Variants in RPS6KA6 observed in about 807,000 individuals in gnomAD.
The protein encoded by RPS6KA6 is ribosomal protein S6 kinase alpha-6.
A neutral mutation model predicts 65.4 loss-of-function variants in RPS6KA6; 27 were observed. The ratio of observed to expected loss-of-function variants is 0.41; its 90% confidence interval spans 0.30 to 0.57. The LOEUF is 0.57. Ranked by LOEUF, RPS6KA6 falls within the 20% of genes least tolerant of loss-of-function variation. The pLI is 0.24. For missense variants in RPS6KA6, 486 were observed against 555.6 expected (o/e 0.87, Z 1.26); for synonymous variants, 190 against 184.2 (o/e 1.03, Z -0.26).
intron 2 of RPS6KA6, among the ~76,000 whole-genome samples, chrX:84,163,425 G>C (rs1402893445): frequency 1.2e-4 from 13 of 107,512 alleles, no homozygotes; most frequent in African/African-American, 4.4e-4. Flanking sequence ...GGATCATGAG[G>C]TCAGGAGATC....
At chrX:84,105,344 T>C (rs1303334209) in intron 16 of RPS6KA6, among the ~76,000 whole-genome samples, 1 of 111,503 alleles carries the variant, frequency 9.0e-6, no homozygotes, top group African/African-American at 3.2e-5. Context: ...TAATGAGTTA[T>C]ACATTCATTT....
intron 1 of RPS6KA6, chrX:84,186,646 T>A (rs2275786): frequency 0.051 from 5,658 of 110,989 alleles, 198 homozygotes; most frequent in East Asian, 0.21. Context: ...AACAAAAAAA[T>A]TTAAAGAAAA....
chrX:84,102,113 C>G lies in RPS6KA6; in HGVS notation c.1700G>C (p.Gly567Ala), dbSNP rs896574001. 8.4e-7 allele frequency: 1 copy of G among 1,196,357 alleles called. No homozygotes were observed. Among genetic ancestry groups the G allele is most frequent in the Non-Finnish European group, 1.1e-6 (1 of 885,255 alleles). ...TTCTCCTCGAAGTTGTTTTGCAAAC[C>G]CAAAATCACATATCCTGATTGAATC... is the stretch of plus-strand genomic sequence containing the variant. ...SADSIRICDF[G>A]FAKQLRGENG... Residue 567 changes from glycine (G) to alanine (A), a missense_variant, in exon 18 of 22, where the codon GGG (glycine) becomes GCG (alanine). Coordinates refer to ENST00000262752, the MANE Select transcript of RPS6KA6 (RefSeq NM_014496.5).
In RPS6KA6 at chrX:84,105,887, C is replaced by T. The variant is rs201677697; in HGVS notation, c.1366-11G>A. Reference sequence around the variant, plus strand: ...ACTTTTGTCAATGATCTAAGAAATACGAAAAAAGAAAAATATCTGAGGCAA... The same window carrying T: ...ACTTTTGTCAATGATCTAAGAAATATGAAAAAAGAAAAATATCTGAGGCAA... On this transcript the variant is annotated splice_polypyrimidine_tract_variant and intron_variant, in intron 15 of 21. Coordinates refer to ENST00000262752, the MANE Select transcript of RPS6KA6 (RefSeq NM_014496.5). The T allele has an allele frequency of 1.4e-4, 140 of 988,813 alleles. 1 individual carries two copies. Among genetic ancestry groups the T allele is most frequent in the African/African-American group, 7.7e-5 (4 of 51,799 alleles). The allele number at this position is 988,813 out of a possible 1,213,427, so 81.5% of individuals were successfully genotyped here.
At chrX:84,163,765 G>A (rs1264334684) in intron 2 of RPS6KA6, among the ~76,000 whole-genome samples, 1 of 109,569 alleles carries the variant, frequency 9.1e-6, no homozygotes, top group Non-Finnish European at 1.9e-5. Context: ...CAAATCTTAA[G>A]AATGCTCTCT....
chrX:84,083,931 G>GT (rs2033860523), intron 20 of RPS6KA6, among the ~76,000 whole-genome samples: 1 of 112,194 alleles, frequency 8.9e-6, no homozygotes, highest in South Asian at 3.7e-4. Flanking sequence ...GTGTGAAATG[G>GT]TATCTCATTG....
chrX:84,089,334 G>C (rs2033995952), intron 20 of RPS6KA6, among the ~76,000 whole-genome samples: 1 of 112,027 alleles, frequency 8.9e-6, no homozygotes, highest in Non-Finnish European at 1.9e-5. Context: ...GCCTGTTGCT[G>C]CTGGTTGGCT....
At position 84,106,391 on chromosome X, in the gene RPS6KA6, T is replaced by C. The variant is rs1184754815; in HGVS notation, c.1339A>G (p.Thr447Ala). ...TTCACTGCAAATTCCATGTTGGTAG[T>C]TGCATGTATGCATCGCTTGCAAACA... ...YSVCKRCIHA[T>A]TNMEFAVKII... The change falls in exon 15 of 22, where the codon ACT (threonine) becomes GCT (alanine). Residue 447 changes from threonine (T) to alanine (A), a missense_variant. By Grantham distance (58) the Thr-to-Ala change is moderately conservative (BLOSUM62 0). Coordinates refer to ENST00000262752, the MANE Select transcript of RPS6KA6 (RefSeq NM_014496.5). 4.2e-6 allele frequency: 5 copies of C among 1,202,384 alleles called. No individual in the cohort carries two copies. The East Asian group carries it at 1.2e-4, about 29-fold the overall frequency.
At chrX:84,141,780 C>T (rs1360869592) in intron 6 of RPS6KA6, among the ~76,000 whole-genome samples, 1 of 111,295 alleles carries the variant, frequency 9.0e-6, no homozygotes, top group Non-Finnish European at 1.9e-5. Context: ...TAAAGTCAGT[C>T]ATGTCATATC....
At chrX:84,097,577 T>A (rs1278416722) in intron 19 of RPS6KA6, among the ~76,000 whole-genome samples, 195 bp downstream of exon 19, 1 of 111,580 alleles carries the variant, frequency 9.0e-6, no homozygotes, top group African/African-American at 3.2e-5. Context: ...AAAATTATTA[T>A]GTCATAAATT....
chrX:84,122,009 T>C (rs964407162), intron 8 of RPS6KA6, among the ~76,000 whole-genome samples: 2 of 112,608 alleles, frequency 1.8e-5, no homozygotes, highest in East Asian at 5.6e-4. Flanking sequence ...CCTATACCAT[T>C]TGTAGCTTCT....
rs186870195 is a variant in RPS6KA6, at chrX:84,120,762, T to C, written c.647-735A>G. The stretch of plus-strand genomic sequence containing the variant: ...AACTGATATACCAATTCAATGAAAC[T>C]TCAATAAAATCCCAGCAAAATTTCT... On this transcript the variant is annotated intron_variant, in intron 8 of 21. Coordinates refer to ENST00000262752, the MANE Select transcript of RPS6KA6 (RefSeq NM_014496.5). Among the ~76,000 whole-genome samples the C allele has an allele frequency of 2.6e-3, 291 of 111,924 alleles. 2 individuals are homozygous for C. Among genetic ancestry groups the C allele is most frequent in the African/African-American group, 9.2e-3 (284 of 30,916 alleles).
At chrX:84,080,113 T>C (rs2147354976) in intron 20 of RPS6KA6, among the ~76,000 whole-genome samples, 1 of 108,396 alleles carries the variant, frequency 9.2e-6, no homozygotes, top group East Asian at 3.0e-4. Flanking sequence ...TAACACCTCA[T>C]ACAGGAGAGC....
chrX:84,144,270 A>C (rs2035157600), intron 6 of RPS6KA6, among the ~76,000 whole-genome samples: 1 of 111,309 alleles, frequency 9.0e-6, no homozygotes, highest in South Asian at 3.7e-4. Flanking sequence ...AAATATTTCC[A>C]AATAACATAT....
Position 84,151,131 on chromosome X carries a change from G to GAT in RPS6KA6, c.259-3010_259-3009dup, listed in dbSNP as rs776588550. Among the ~76,000 whole-genome samples the GAT allele has an allele frequency of 2.0e-3, 190 of 96,113 alleles. 3 individuals carry two copies. The highest frequency in any genetic ancestry group is 7.0e-3 in the African/African-American group (180 of 25,824). The allele number at this position is 96,113 out of a possible 115,157, so 83.5% of individuals were successfully genotyped here. ...TATAGATATATATAGGATATATATA[G>GAT]ATATATAGGATATATAGATATATAT... On this transcript the variant is annotated intron_variant, in intron 3 of 21. Transcript: ENST00000262752.
intron 9 of RPS6KA6, 67 bp from the exon 10 acceptor site, chrX:84,117,521 G>C: frequency 1.5e-6 from 1 of 648,611 alleles, no homozygotes; most frequent in Non-Finnish European, 2.2e-6. Flanking sequence ...AGATTCTCTA[G>C]AAAAAAACTG....
At position 84,160,348 on chromosome X, in the gene RPS6KA6, A is replaced by G. The variant is rs1207924048; in HGVS notation, c.141+3980T>C. 1.3e-4 allele frequency among the ~76,000 whole-genome samples: 15 copies of G among 111,387 alleles called. 1 individual carries two copies. The highest frequency in any genetic ancestry group is 3.8e-5 in the Non-Finnish European group (2 of 52,830). The stretch of plus-strand genomic sequence containing the variant: ...GCCAACAGTGCTGTAACACTGGGAA[A>G]ACACACTGTTAAAGTACAAAATGAA... On this transcript the variant is annotated intron_variant, in intron 2 of 21. Coordinates refer to ENST00000262752, the MANE Select transcript of RPS6KA6 (RefSeq NM_014496.5).
chrX:84,078,978 TA>T (rs1411633016), intron 20 of RPS6KA6, among the ~76,000 whole-genome samples: 1 of 111,079 alleles, frequency 9.0e-6, no homozygotes, highest in African/African-American at 3.3e-5. Flanking sequence ...TAAAAAAAAA[TA>T]AAAAAACTCA....
Position 84,096,260 on chromosome X carries a change from C to T in RPS6KA6, c.1905G>A (p.Leu635=), listed in dbSNP as rs780369908. Residue 635 remains leucine, a synonymous_variant, in exon 20 of 22, where the codon CTG becomes CTA. Coordinates refer to ENST00000262752, the MANE Select transcript of RPS6KA6 (RefSeq NM_014496.5). ...AAGAGAATTTTCCATTGCCTATACGCAGCAGTATCTCTTCAGGAGTATCAT... is the reference window on the plus strand; with the variant it reads ...AAGAGAATTTTCCATTGCCTATACGTAGCAGTATCTCTTCAGGAGTATCAT... The part of the protein sequence containing the change: ...GPNDTPEEIL[L]RIGNGKFSLS... The T allele has an allele frequency of 3.3e-6, 4 of 1,198,112 alleles. No homozygotes were observed. The East Asian group carries it at 9.0e-5, about 27-fold the overall frequency.
Sources: gnomAD v4.1 joint callset for allele counts (sites outside exome capture counted in the v4.1 genomes callset) on GRCh38, gnomAD v4.1.1 for gene constraint, MANE v1.5 for transcripts, NCBI Gene and HGNC (gene_info 2026-07-23, HGNC 2026-07-21) for gene names.